Variants in PIN4 observed in about 807,000 individuals in gnomAD.
The protein encoded by PIN4 is peptidyl-prolyl cis-trans isomerase NIMA-interacting 4.
Under a neutral mutation model 8.3 loss-of-function variants are expected in PIN4, and 3 were observed. The observed-to-expected ratio is 0.36, with a 90% CI of 0.16 to 0.93. The LOEUF (loss-of-function observed/expected upper bound fraction) is 0.93. Among genes scored for constraint, PIN4 ranks in the 40% least tolerant of loss-of-function variants. The pLI, the probability that PIN4 is intolerant of heterozygous loss-of-function variation, is 0.44. For synonymous variants in PIN4, 18 were observed against 32.5 expected, an observed-to-expected ratio of 0.55 and a Z score of 1.52; for missense variants, 75 against 100.6, an observed-to-expected ratio of 0.75 and a Z score of 1.09.
intron 2 of PIN4, among the ~76,000 whole-genome samples, chrX:72,195,124 A>G (rs1394173539): frequency 3.6e-5 from 4 of 112,493 alleles, no homozygotes; most frequent in Non-Finnish European, 7.5e-5. Context: ...ACGCGTGACT[A>G]TAAGTGATTC....
intron 3 of PIN4, among the ~76,000 whole-genome samples, chrX:72,244,564 T>C (rs905409665): frequency 9.0e-6 from 1 of 111,102 alleles, no homozygotes; most frequent in Admixed American, 9.6e-5. Flanking sequence ...GAACTGCCAA[T>C]GGGAAAGAAG....
At chrX:72,194,197 C>A (rs188919855) in intron 2 of PIN4, among the ~76,000 whole-genome samples, 6 of 110,122 alleles carry the variant, frequency 5.4e-5, no homozygotes, top group African/African-American at 2.0e-4. Flanking sequence ...GTCAGGAGTT[C>A]GAGACCAGCC....
chrX:72,185,536 A>G (rs1021917271), intron 1 of PIN4, among the ~76,000 whole-genome samples: 1 of 112,330 alleles, frequency 8.9e-6, no homozygotes, highest in Non-Finnish European at 1.9e-5. Flanking sequence ...AGGAAGGTAC[A>G]TGGCTTGTTC....
At chrX:72,259,931 G>C (rs1209374749) in intron 3 of PIN4, among the ~76,000 whole-genome samples, 1 of 106,602 alleles carries the variant, frequency 9.4e-6, no homozygotes, top group Non-Finnish European at 1.9e-5. Context: ...TATAGACGGG[G>C]TTTCACCATA....
downstream of PIN4, among the ~76,000 whole-genome samples, chrX:72,200,522 C>T (rs376758899): frequency 5.9e-4 from 66 of 111,619 alleles, no homozygotes; most frequent in Non-Finnish European, 9.6e-4. Context: ...AACTCCATTT[C>T]TAGGAAGGTA....
chrX:72,262,290 C>T (rs1334842683), intron 3 of PIN4, among the ~76,000 whole-genome samples: 1 of 112,341 alleles, frequency 8.9e-6, no homozygotes, highest in East Asian at 2.8e-4. Context: ...AACCTGGCAG[C>T]ATTCAGCGCC....
chrX:72,249,315 G>A (rs945806461), intron 3 of PIN4, among the ~76,000 whole-genome samples: 1 of 112,381 alleles, frequency 8.9e-6, no homozygotes, highest in Admixed American at 9.5e-5. Flanking sequence ...AATACCAAGT[G>A]TTAGCAAAGA....
At position 72,205,167 on chromosome X, in the gene PIN4, A is replaced by G. The variant is rs142684980; in HGVS notation, c.312+8263A>G. On this transcript the variant is annotated intron_variant, in intron 3 of 3. Coordinates refer to the PIN4 transcript ENST00000423432. Reference sequence around the variant, plus strand: ...CTTTTCCACGCTTTACAAGAGTCTCATAGTCATTTGTAGCCTCTGCCGCCT... The same window carrying G: ...CTTTTCCACGCTTTACAAGAGTCTCGTAGTCATTTGTAGCCTCTGCCGCCT... 1.9e-4 allele frequency: 233 copies of G among 1,209,395 alleles called. 2 individuals are homozygous for G. The highest frequency in any genetic ancestry group is 2.5e-4 in the Non-Finnish European group (221 of 894,853).
intron 3 of PIN4, among the ~76,000 whole-genome samples, chrX:72,216,564 A>G (rs146574060): frequency 2.1e-3 from 236 of 111,865 alleles, no homozygotes; most frequent in African/African-American, 7.1e-3. Flanking sequence ...CCATTAAGCT[A>G]TAACTCCCCA....
At chrX:72,230,184 A>T (rs1045169366) in intron 3 of PIN4, among the ~76,000 whole-genome samples, 3 of 103,159 alleles carry the variant, frequency 2.9e-5, no homozygotes, top group African/African-American at 1.1e-4. Context: ...CAAAAAAAAT[A>T]AAAAAAAAAA....
At chrX:72,199,611 TG>T (rs1001040534), downstream of PIN4, among the ~76,000 whole-genome samples, 5 of 112,410 alleles carry the variant, frequency 4.4e-5, no homozygotes, top group Non-Finnish European at 9.4e-5. Context: ...TGTATAGGCA[TG>T]AGACACTACC....
chrX:72,238,715 A>G, intron 3 of PIN4: 1 of 573,855 alleles, frequency 1.7e-6, no homozygotes, highest in Non-Finnish European at 2.7e-6. Context: ...CTACTGCGAG[A>G]AGAGCGCGAG....
At chrX:72,226,046 G>A (rs1165129098) in intron 3 of PIN4, among the ~76,000 whole-genome samples, 2 of 111,369 alleles carry the variant, frequency 1.8e-5, no homozygotes, top group Admixed American at 9.6e-5. Context: ...GCCATAAGGC[G>A]CTAAGCTCCA....
At chrX:72,208,213 G>A in intron 3 of PIN4, 1 of 1,211,490 alleles carries the variant, frequency 8.3e-7, no homozygotes, top group Non-Finnish European at 1.1e-6. Context: ...GAGGTTTCTG[G>A]TCCGTTCATC....
chrX:72,225,027 A>G (rs1443543660), intron 3 of PIN4, among the ~76,000 whole-genome samples: 1 of 111,529 alleles, frequency 9.0e-6, no homozygotes, highest in Non-Finnish European at 1.9e-5. Flanking sequence ...GATGGCTCCT[A>G]TAGACTGGTT....
chrX:72,182,426 C>G (rs974865451), intron 1 of PIN4, among the ~76,000 whole-genome samples: 2 of 110,365 alleles, frequency 1.8e-5, no homozygotes, highest in Non-Finnish European at 3.8e-5. Context: ...CGCCCGTAAT[C>G]CCAGCTACTC....
In PIN4 at chrX:72,197,569, T is replaced by G. The variant is rs779452784; in HGVS notation, c.*43T>G. 11 of 1,162,740 alleles carry G rather than the reference T, an allele frequency of 9.5e-6. No homozygotes were observed. In the South Asian group the frequency reaches 2.1e-4, roughly 22 times the overall value. ...AATAAGTTTTATACATTTTGTTTCTTTAAAAGGTATTACATATTCTTTTGA... is the reference window on the plus strand; with the variant it reads ...AATAAGTTTTATACATTTTGTTTCTGTAAAAGGTATTACATATTCTTTTGA... On this transcript the variant is annotated 3_prime_UTR_variant, in exon 4 of 4. Transcript: ENST00000373669.
At chrX:72,248,231 C>T (rs1354065820) in intron 3 of PIN4, among the ~76,000 whole-genome samples, 1 of 90,354 alleles carries the variant, frequency 1.1e-5, no homozygotes, top group Non-Finnish European at 2.1e-5. Flanking sequence ...GGATAATAGC[C>T]AGGAGGGGAT....
At chrX:72,238,882 G>C in intron 3 of PIN4, 1 of 1,196,987 alleles carries the variant, frequency 8.4e-7, no homozygotes. Flanking sequence ...TCAAGGCCTC[G>C]GCTTCCGGAA....
Sources: gnomAD v4.1 joint callset for allele counts (sites outside exome capture counted in the v4.1 genomes callset) on GRCh38, gnomAD v4.1.1 for gene constraint, MANE v1.5 for transcripts, NCBI Gene and HGNC (gene_info 2026-07-23, HGNC 2026-07-21) for gene names.